Variants in ZNF804B observed in about 807,000 individuals in gnomAD.
ZNF804B encodes zinc finger 804B.
A neutral mutation model predicts 101.4 loss-of-function variants in ZNF804B; 80 were observed. The ratio of observed to expected loss-of-function variants is 0.79; its 90% CI spans 0.66 to 0.95. ZNF804B has a LOEUF of 0.95. Among genes scored for constraint, ZNF804B ranks in the 40% least tolerant of loss-of-function variants. The probability of loss-of-function intolerance (pLI) is 0.00; values close to 1 mark genes in which losing one functional copy is unlikely to be tolerated. For synonymous variants in ZNF804B, 622 were observed against 558.8 expected (o/e 1.11, Z -1.59); for missense variants, 1,673 against 1,561.9 (o/e 1.07, Z -1.20).
chr7:89,007,196 T>C (rs1157290819), intron 1 of ZNF804B, among the ~76,000 whole-genome samples: 4 of 151,930 alleles, frequency 2.6e-5, no homozygotes, highest in Non-Finnish European at 5.9e-5. Context: ...TTAGATTTCA[T>C]AAAGAATCTA....
At chr7:88,896,652 A>G (rs768829467) in intron 1 of ZNF804B, among the ~76,000 whole-genome samples, 31 of 152,222 alleles carry the variant, frequency 2.0e-4, no homozygotes, top group Non-Finnish European at 4.1e-4. Flanking sequence ...AAATTCTAAG[A>G]GATAAGTTTA....
intron 2 of ZNF804B, among the ~76,000 whole-genome samples, chr7:89,290,659 A>T (rs1263016741): frequency 6.6e-6 from 1 of 152,118 alleles, no homozygotes; most frequent in Non-Finnish European, 1.5e-5. Context: ...AAGGAGAGGT[A>T]AAAGGGGGAA....
intron 1 of ZNF804B, among the ~76,000 whole-genome samples, chr7:88,899,580 C>G (rs557139464): frequency 6.9e-4 from 105 of 152,254 alleles, no homozygotes; most frequent in African/African-American, 2.4e-3. Flanking sequence ...CTTTTTTTGT[C>G]TACCCACTAC....
rs1791520224 is a variant in ZNF804B, at chr7:88,854,527, T to TTTCCTTCCCTCCC, written c.108+94451_108+94452insCTCCCTTCCTTCC. On this transcript the variant is annotated intron_variant, in intron 1 of 3. Coordinates refer to ENST00000333190, the MANE Select transcript of ZNF804B (RefSeq NM_181646.5). ...CTTTCCTTTCCTTTCCTTTCCTTCC[T>TTTCCTTCCCTCCC]TTCCTTCCTTCCTTCCTTCCTTCCT... Among the ~76,000 whole-genome samples, 3 of 40,074 alleles carry TTTCCTTCCCTCCC rather than the reference T, an allele frequency of 7.5e-5. No individual in the cohort carries two copies. The East Asian group carries it at 3.3e-3, about 43-fold the overall frequency. The allele number at this position is 40,074 out of a possible 152,430, so 26.3% of individuals were successfully genotyped here.
At chr7:89,262,669 G>A (rs568145585) in intron 2 of ZNF804B, among the ~76,000 whole-genome samples, 8 of 151,844 alleles carry the variant, frequency 5.3e-5, no homozygotes, top group Non-Finnish European at 1.2e-4. Context: ...ACTAGGCTTG[G>A]TGCTCCAGAA....
At chr7:88,802,830 G>A (rs1790611751) in intron 1 of ZNF804B, among the ~76,000 whole-genome samples, 1 of 151,846 alleles carries the variant, frequency 6.6e-6, no homozygotes, top group Non-Finnish European at 1.5e-5. Flanking sequence ...ATTTCATAGA[G>A]CAAACAAGAT....
At chr7:89,189,947 A>T (rs1788428711) in intron 1 of ZNF804B, among the ~76,000 whole-genome samples, 1 of 152,120 alleles carries the variant, frequency 6.6e-6, no homozygotes, top group Non-Finnish European at 1.5e-5. Context: ...GGAAAGGTAA[A>T]TTGAACACCT....
At chr7:89,158,258 C>G (rs1791006074) in intron 1 of ZNF804B, among the ~76,000 whole-genome samples, 1 of 152,124 alleles carries the variant, frequency 6.6e-6, no homozygotes. Context: ...TTGTCACTGA[C>G]TTTCTTATCT....
At chr7:88,853,248 A>G (rs1273091180) in intron 1 of ZNF804B, among the ~76,000 whole-genome samples, 1 of 152,176 alleles carries the variant, frequency 6.6e-6, no homozygotes, top group Non-Finnish European at 1.5e-5. Flanking sequence ...GACAAGCTTA[A>G]GTAGTGGCCC....
chr7:88,854,414 C>CCTTTCTTTCTTTTTCTTTCTTT (rs1791502962), intron 1 of ZNF804B, among the ~76,000 whole-genome samples: 1 of 57,076 alleles, frequency 1.8e-5, no homozygotes, highest in African/African-American at 6.3e-5. Flanking sequence ...TTTCTTTCTT[C>CCTTTCTTTCTTTTTCTTTCTTT]CTTTCTTTCT....
chr7:89,255,511 G>A (rs911813546), intron 2 of ZNF804B, among the ~76,000 whole-genome samples: 1 of 152,064 alleles, frequency 6.6e-6, no homozygotes, highest in Non-Finnish European at 1.5e-5. Flanking sequence ...GGTTAGTGTG[G>A]GAAAAGAGAG....
intron 1 of ZNF804B, among the ~76,000 whole-genome samples, chr7:88,922,079 A>G (rs996145760): frequency 1.3e-5 from 2 of 152,084 alleles, no homozygotes; most frequent in Non-Finnish European, 2.9e-5. Flanking sequence ...ATTATGGCAC[A>G]ACTTCAGGAT....
intron 1 of ZNF804B, among the ~76,000 whole-genome samples, chr7:88,885,620 T>A (rs1190326520): frequency 6.7e-6 from 1 of 149,824 alleles, no homozygotes; most frequent in Non-Finnish European, 1.5e-5. Context: ...ATATGAAAAA[T>A]GTTTTGATAA....
chr7:89,291,680 G>A (rs1790294108), intron 2 of ZNF804B, among the ~76,000 whole-genome samples: 1 of 152,090 alleles, frequency 6.6e-6, no homozygotes, highest in South Asian at 2.1e-4. Flanking sequence ...GACTTAAAGA[G>A]GAAAGAGAGA....
At chr7:89,208,981 C>T (rs1584055665) in intron 1 of ZNF804B, among the ~76,000 whole-genome samples, 1 of 152,018 alleles carries the variant, frequency 6.6e-6, no homozygotes, top group Non-Finnish European at 1.5e-5. Flanking sequence ...CACTGCACTC[C>T]AGCCTGGGCG....
At chr7:88,857,394 G>A (rs186906748) in intron 1 of ZNF804B, among the ~76,000 whole-genome samples, 1 of 151,776 alleles carries the variant, frequency 6.6e-6, no homozygotes, top group Non-Finnish European at 1.5e-5. Context: ...AAAGAGAGAA[G>A]AATCAAATAG....
chr7:89,065,130 T>C (rs554295364), intron 1 of ZNF804B, among the ~76,000 whole-genome samples: 1 of 152,218 alleles, frequency 6.6e-6, no homozygotes, highest in Admixed American at 6.5e-5. Flanking sequence ...GAAAGAACCC[T>C]CCGATAGGAG....
intron 2 of ZNF804B, among the ~76,000 whole-genome samples, chr7:89,288,415 G>A (rs1056535766): frequency 6.6e-6 from 1 of 152,062 alleles, no homozygotes; most frequent in African/African-American, 2.4e-5. Flanking sequence ...AAGCAACTAA[G>A]CAAACCATCA....
At chr7:89,149,757 T>A (rs556972116) in intron 1 of ZNF804B, among the ~76,000 whole-genome samples, 1 of 151,808 alleles carries the variant, frequency 6.6e-6, no homozygotes, top group Non-Finnish European at 1.5e-5. Flanking sequence ...CAAATGGTGA[T>A]CCCCATTTTG....
Sources: gnomAD v4.1 joint callset for allele counts (sites outside exome capture counted in the v4.1 genomes callset) on GRCh38, gnomAD v4.1.1 for gene constraint, MANE v1.5 for transcripts, NCBI Gene and HGNC (gene_info 2026-07-23, HGNC 2026-07-21) for gene names.